MPPED2: variants seen among roughly 807,000 people sequenced by gnomAD.
MPPED2 encodes metallophosphoesterase MPPED2.
Under a neutral mutation model 33.0 loss-of-function variants are expected in MPPED2, and 5 were observed. That is an observed-to-expected ratio of 0.15 (90% CI 0.08 to 0.32). MPPED2 has a LOEUF of 0.32. MPPED2 is among the 10% of genes least tolerant of loss of function. The probability of loss-of-function intolerance (pLI) is 1.00; values close to 1 mark genes in which losing one functional copy is unlikely to be tolerated. For synonymous variants in MPPED2, 136 were observed against 141.9 expected, an observed-to-expected ratio of 0.96 and a Z score of 0.29; for missense variants, 275 against 372.1, an observed-to-expected ratio of 0.74 and a Z score of 2.15.
At chr11:30,423,378 T>C (rs1209311702) in intron 4 of MPPED2, among the ~76,000 whole-genome samples, 3 of 152,206 alleles carry the variant, frequency 2.0e-5, no homozygotes, top group African/African-American at 7.2e-5. Flanking sequence ...CTTATTACTA[T>C]AGTCTTCTGG....
chr11:30,468,566 T>C (rs2134044574), intron 4 of MPPED2, among the ~76,000 whole-genome samples: 1 of 151,526 alleles, frequency 6.6e-6, no homozygotes, highest in East Asian at 1.9e-4. Flanking sequence ...GGAGAAGAGG[T>C]AAAATAATTA....
rs1371767613 is a variant in MPPED2 at position 30,421,938 on chromosome 11, A to C, written c.537-4305T>G. The stretch of plus-strand genomic sequence containing the variant: ...AATCCTCTAGGTAAGGTCTTTCCAC[A>C]AGACAGTGGCAGGCAATGGAAAAAG... On this transcript the variant is annotated intron_variant, in intron 4 of 6. Coordinates refer to ENST00000358117, the MANE Select transcript of MPPED2 (RefSeq NM_001584.3). 3.9e-5 allele frequency among the ~76,000 whole-genome samples: 6 copies of C among 152,158 alleles called. 1 individual carries two copies. Among genetic ancestry groups the C allele is most frequent in the Admixed American group, 3.9e-4 (6 of 15,272 alleles).
chr11:30,460,596 C>G (rs1331783462), intron 4 of MPPED2, among the ~76,000 whole-genome samples: 1 of 152,052 alleles, frequency 6.6e-6, no homozygotes, highest in Admixed American at 6.5e-5. Context: ...GCACTCCAGC[C>G]TGGGCAACAG....
At position 30,500,845 on chromosome 11, in the gene MPPED2, C is replaced by T. The variant is rs74329606; in HGVS notation, c.311-5324G>A. 2.4e-3 allele frequency among the ~76,000 whole-genome samples: 363 copies of T among 152,204 alleles called. 3 individuals carry two copies. Among genetic ancestry groups the T allele is most frequent in the African/African-American group, 8.4e-3 (347 of 41,522 alleles). On this transcript the variant is annotated intron_variant, in intron 3 of 6. Coordinates refer to ENST00000358117, the MANE Select transcript of MPPED2 (RefSeq NM_001584.3). ...CAGATTTGTTGAGTAAGTGAAGGAA[C>T]GAATGAACCTCCACAAGACTTCCTG...
chr11:30,584,292 T>A (rs1408558757), intron 1 of MPPED2: 3 of 152,248 alleles, frequency 2.0e-5, no homozygotes, highest in Non-Finnish European at 4.3e-5. Context: ...GTTTTAAATC[T>A]AGGGTGGTGG....
chr11:30,425,131 A>G (rs1045227889), intron 4 of MPPED2, among the ~76,000 whole-genome samples: 1 of 152,168 alleles, frequency 6.6e-6, no homozygotes, highest in African/African-American at 2.4e-5. Flanking sequence ...TCTGTGTGTC[A>G]TGGACAGGAA....
At chr11:30,386,778 C>CAGCATAATTATG (rs1947707479) in exon 7 of MPPED2, 3 of 398,394 alleles carry the variant, frequency 7.5e-6, no homozygotes, top group African/African-American at 6.2e-5. Flanking sequence ...GGTGCATAGT[C>CAGCATAATTATG]CATGATTCTT....
intron 4 of MPPED2, among the ~76,000 whole-genome samples, chr11:30,466,670 T>C (rs190730272): frequency 6.6e-6 from 1 of 152,322 alleles, no homozygotes; most frequent in East Asian, 1.9e-4. Context: ...GTGATGCAAA[T>C]GAACCAAAGG....
intron 2 of MPPED2, among the ~76,000 whole-genome samples, chr11:30,555,511 G>A (rs1430245054): frequency 6.6e-6 from 1 of 152,106 alleles, no homozygotes. Flanking sequence ...CATGTGTCAT[G>A]GGATGGACCC....
exon 7 of MPPED2, chr11:30,386,963 G>A (rs1947710577): frequency 2.6e-6 from 1 of 390,998 alleles, no homozygotes; most frequent in South Asian, 1.4e-4. Flanking sequence ...CGCAAAGTAA[G>A]CAATACAATC....
chr11:30,553,982 C>T (rs1955843185), intron 2 of MPPED2, among the ~76,000 whole-genome samples: 1 of 152,188 alleles, frequency 6.6e-6, no homozygotes, highest in African/African-American at 2.4e-5. Context: ...ACTATTGCTT[C>T]TTTTTGTTAA....
intron 2 of MPPED2, among the ~76,000 whole-genome samples, chr11:30,544,083 G>C (rs1037978675): frequency 1.2e-4 from 19 of 152,168 alleles, no homozygotes; most frequent in African/African-American, 4.6e-4. Context: ...TGAATGTTAA[G>C]TGGTAACAAT....
rs199611856 is a variant in MPPED2, at chr11:30,583,134, C to CTTTTTTTTTTTTTTTTTTTTTTTTT, written c.-121-2665_-121-2641dup. ...CACAAACACCTGGAAAAGACTTTTT[C>CTTTTTTTTTTTTTTTTTTTTTTTTT]TTTTTTTTTTTTTTTTTTTTTTTTT... On this transcript the variant is annotated intron_variant, in intron 1 of 6. Transcript: ENST00000358117. 2.2e-4 allele frequency among the ~76,000 whole-genome samples: 21 copies of CTTTTTTTTTTTTTTTTTTTTTTTTT among 96,680 alleles called. 2 individuals carry two copies. Among genetic ancestry groups the CTTTTTTTTTTTTTTTTTTTTTTTTT allele is most frequent in the African/African-American group, 6.8e-4 (14 of 20,688 alleles). 63.4% of individuals were successfully genotyped at this position (96,680 alleles called of 152,430 possible).
At chr11:30,489,052 CTTT>C (rs35619209) in intron 4 of MPPED2, among the ~76,000 whole-genome samples, 3,798 of 141,160 alleles carry the variant, frequency 0.027, 72 homozygotes, top group Admixed American at 0.062. Context: ...TCTTCTTCTC[CTTT>C]TTTTTTTTTT....
chr11:30,451,286 C>T (rs1433452083), intron 4 of MPPED2, among the ~76,000 whole-genome samples: 1 of 152,192 alleles, frequency 6.6e-6, no homozygotes, highest in East Asian at 1.9e-4. Flanking sequence ...CTTTTAGCTG[C>T]TTTTGTTACA....
intron 4 of MPPED2, among the ~76,000 whole-genome samples, chr11:30,494,145 A>G (rs977944423): frequency 2.6e-5 from 4 of 152,242 alleles, no homozygotes; most frequent in African/African-American, 9.6e-5. Flanking sequence ...GAAGGGCTTC[A>G]AAATCTATAT....
chr11:30,583,134 CTTTT>C (rs199611856), intron 1 of MPPED2, among the ~76,000 whole-genome samples: 13 of 96,676 alleles, frequency 1.3e-4, no homozygotes, highest in African/African-American at 3.4e-4. Context: ...AAGACTTTTT[CTTTT>C]TTTTTTTTTT....
chr11:30,407,141 G>A (rs1948003581), downstream of MPPED2, among the ~76,000 whole-genome samples: 1 of 152,212 alleles, frequency 6.6e-6, no homozygotes, highest in South Asian at 2.1e-4. Flanking sequence ...GATGAAGGCA[G>A]GCTTAAGGCT....
At chr11:30,467,114 T>G (rs886470945) in intron 4 of MPPED2, among the ~76,000 whole-genome samples, 1 of 152,146 alleles carries the variant, frequency 6.6e-6, no homozygotes, top group Non-Finnish European at 1.5e-5. Flanking sequence ...TATGTGATGG[T>G]TTAAACAGAA....
Sources: allele counts gnomAD v4.1 joint callset (sites outside exome capture counted in the v4.1 genomes callset), GRCh38; gene constraint gnomAD v4.1.1; transcripts MANE v1.5; gene names NCBI Gene and HGNC (gene_info 2026-07-23, HGNC 2026-07-21).